Variants in SGCD observed in about 807,000 individuals in gnomAD.
The protein encoded by SGCD is delta-sarcoglycan.
A neutral mutation model predicts 36.6 loss-of-function variants in SGCD; 18 were observed. The ratio of observed to expected loss-of-function variants is 0.49; its 90% CI spans 0.34 to 0.73. SGCD has a LOEUF of 0.73. Among genes scored for constraint, SGCD ranks in the 30% least tolerant of loss-of-function variants. The probability of loss-of-function intolerance (pLI) is 0.01; values close to 1 mark genes in which losing one functional copy is unlikely to be tolerated. For missense variants in SGCD, 387 were observed against 346.7 expected (o/e 1.12, Z -0.92); for synonymous variants, 133 against 130.6 (o/e 1.02, Z -0.12).
chr5:156,236,472 C>T lies in SGCD; in HGVS notation c.-43-93062C>T, dbSNP rs1437884740. Among the ~76,000 whole-genome samples the T allele has an allele frequency of 4.9e-5, 7 of 143,446 alleles. No individual in the cohort carries two copies. In the South Asian group the frequency reaches 6.6e-4, roughly 14 times the overall value. 94.1% of individuals were successfully genotyped at this position (143,446 alleles called of 152,430 possible). The stretch of plus-strand genomic sequence containing the variant: ...TATACTTTTTTTTTTTTTTTTGAGA[C>T]GGAGTCTCGCTCTGTCACCCAGGCT... On this transcript the variant is annotated intron_variant, in intron 3 of 9. Coordinates refer to the SGCD transcript ENST00000517913.
chr5:155,760,105 CCCTCTCCATCAA>C, the SGCD span, among the ~76,000 whole-genome samples: 3 of 151,238 alleles, frequency 2.0e-5, no homozygotes, highest in South Asian at 2.1e-4. Flanking sequence ...TTCACCAACA[CCCTCTCCATCAA>C]CCTCTCCATC....
intron 3 of SGCD, among the ~76,000 whole-genome samples, chr5:156,317,243 A>C (rs965559812): frequency 1.3e-5 from 2 of 152,034 alleles, no homozygotes; most frequent in Non-Finnish European, 2.9e-5. Context: ...CACAATAAGC[A>C]CTCGATGCAT....
intron 7 of SGCD, 106 bp from the exon 8 acceptor site, chr5:156,757,475 T>C (rs1757382674): frequency 5.5e-6 from 4 of 727,508 alleles, no homozygotes; most frequent in Non-Finnish European, 6.7e-6. Flanking sequence ...AAAAATTCTC[T>C]GATCAAATAC....
chr5:155,857,982 A>G, the SGCD span, among the ~76,000 whole-genome samples: 1 of 151,864 alleles, frequency 6.6e-6, no homozygotes, highest in East Asian at 1.9e-4. Context: ...CTTTTTCTGC[A>G]TTTTTTTGGT....
chr5:156,204,737 TAAAC>T (rs1383696862), intron 3 of SGCD, among the ~76,000 whole-genome samples: 1 of 152,104 alleles, frequency 6.6e-6, no homozygotes, highest in African/African-American at 2.4e-5. Flanking sequence ...TAACTGGTAT[TAAAC>T]AAACTGGTTT....
chr5:156,374,534 T>C (rs1770553218), intron 3 of SGCD, among the ~76,000 whole-genome samples: 1 of 152,164 alleles, frequency 6.6e-6, no homozygotes, highest in East Asian at 1.9e-4. Context: ...ACTCAACCTA[T>C]TCGTTGATGG....
chr5:155,954,867 CAT>C (rs2113438253), intron 1 of SGCD, among the ~76,000 whole-genome samples: 1 of 152,192 alleles, frequency 6.6e-6, no homozygotes, highest in South Asian at 2.1e-4. Context: ...CGAGAGAGCT[CAT>C]GTGTAGTTCC....
chr5:156,732,508 T>C (rs1756130966), intron 7 of SGCD, among the ~76,000 whole-genome samples: 1 of 152,220 alleles, frequency 6.6e-6, no homozygotes, highest in Non-Finnish European at 1.5e-5. Flanking sequence ...GCCAGTATTT[T>C]ATTGAGGATT....
chr5:156,107,080 T>C (rs772544658), intron 1 of SGCD, among the ~76,000 whole-genome samples: 3 of 152,184 alleles, frequency 2.0e-5, no homozygotes, highest in Non-Finnish European at 4.4e-5. Context: ...CTGAATGTGA[T>C]ATACAGTCAC....
chr5:156,075,912 CA>C (rs1309103135), intron 1 of SGCD, among the ~76,000 whole-genome samples: 2 of 152,152 alleles, frequency 1.3e-5, no homozygotes, highest in African/African-American at 4.8e-5. Context: ...GGTAGCTATT[CA>C]AAAGCTGTTT....
At chr5:155,742,726 C>T in the SGCD span, among the ~76,000 whole-genome samples, 4 of 152,140 alleles carry the variant, frequency 2.6e-5, no homozygotes, top group African/African-American at 9.7e-5. Context: ...CACTATTTAC[C>T]TGGAGGTAGT....
At chr5:155,856,972 G>T in the SGCD span, among the ~76,000 whole-genome samples, 3 of 152,170 alleles carry the variant, frequency 2.0e-5, no homozygotes, top group Non-Finnish European at 4.4e-5. Context: ...AGTGGCTCAC[G>T]CCTGTAATCC....
intron 4 of SGCD, among the ~76,000 whole-genome samples, chr5:156,583,360 A>C (rs184152986): frequency 6.6e-6 from 1 of 152,300 alleles, no homozygotes; most frequent in East Asian, 1.9e-4. Flanking sequence ...GCCAAGCAAC[A>C]CGAGGATTAT....
intron 4 of SGCD, among the ~76,000 whole-genome samples, chr5:156,575,831 C>T (rs557639813): frequency 6.6e-6 from 1 of 152,164 alleles, no homozygotes; most frequent in Admixed American, 6.5e-5. Context: ...TAGGACTTCT[C>T]AGAGCAAATA....
At chr5:155,733,034 C>A in the SGCD span, among the ~76,000 whole-genome samples, 1 of 105,200 alleles carries the variant, frequency 9.5e-6, no homozygotes, top group African/African-American at 3.6e-5. Flanking sequence ...TTTTTTTTTT[C>A]CCAGTGCCAA....
intron 3 of SGCD, among the ~76,000 whole-genome samples, chr5:156,180,311 T>C (rs4493657): frequency 0.29 from 44,673 of 152,020 alleles, 7,015 homozygotes; most frequent in East Asian, 0.57. Context: ...GGGAATGAGA[T>C]AAAGATGCCA....
chr5:156,339,771 C>A (rs780189227), intron 2 of SGCD, among the ~76,000 whole-genome samples: 1 of 151,960 alleles, frequency 6.6e-6, no homozygotes, highest in Non-Finnish European at 1.5e-5. Context: ...GGAATACAAA[C>A]AAGTTAACAA....
At chr5:156,072,708 T>A (rs952778084) in intron 1 of SGCD, among the ~76,000 whole-genome samples, 3 of 152,250 alleles carry the variant, frequency 2.0e-5, no homozygotes, top group African/African-American at 7.2e-5. Flanking sequence ...TTCTCCTGGA[T>A]AATGTCCTGC....
At chr5:156,098,109 A>G (rs1293194031) in intron 1 of SGCD, among the ~76,000 whole-genome samples, 2 of 152,200 alleles carry the variant, frequency 1.3e-5, no homozygotes, top group African/African-American at 4.8e-5. Flanking sequence ...TTTCTAGGCA[A>G]AGAAGAAGTA....
Sources: allele counts gnomAD v4.1 joint callset (sites outside exome capture counted in the v4.1 genomes callset), GRCh38; gene constraint gnomAD v4.1.1; transcripts MANE v1.5; gene names NCBI Gene and HGNC (gene_info 2026-07-23, HGNC 2026-07-21).